GABBR2: variants seen among roughly 807,000 people sequenced by gnomAD.
The protein encoded by GABBR2 is G-protein coupled receptor 51.
GABBR2 carries 23 observed loss-of-function variants against 105.6 expected under a neutral mutation model. The ratio of observed to expected loss-of-function variants is 0.22; its 90% CI spans 0.16 to 0.31. The LOEUF is 0.31. Ranked by LOEUF, GABBR2 falls within the 10% of genes least tolerant of loss-of-function variation. The pLI, the probability that GABBR2 is intolerant of heterozygous loss-of-function variation, is 1.00. For synonymous variants in GABBR2, 478 were observed against 499.7 expected, an observed-to-expected ratio of 0.96 and a Z score of 0.58; for missense variants, 734 against 1,245.5, an observed-to-expected ratio of 0.59 and a Z score of 6.18.
chr9:98,599,302 C>A (rs10819072), intron 1 of GABBR2, among the ~76,000 whole-genome samples: 95,494 of 151,902 alleles, frequency 0.63, 30,384 homozygotes, highest in Non-Finnish European at 0.66. Flanking sequence ...GCTTCTAGCA[C>A]ATTTTGTTGG....
At chr9:98,333,461 G>T (rs7035274) in intron 13 of GABBR2, among the ~76,000 whole-genome samples, 145 of 152,196 alleles carry the variant, frequency 9.5e-4, no homozygotes, top group African/African-American at 3.1e-3. Flanking sequence ...GAAGAATCCT[G>T]CCATGTCTTC....
intron 1 of GABBR2, among the ~76,000 whole-genome samples, chr9:98,597,288 T>C (rs1379140326): frequency 6.6e-6 from 1 of 152,190 alleles, no homozygotes; most frequent in Non-Finnish European, 1.5e-5. Flanking sequence ...GCTGGGAACT[T>C]TGTGATCACA....
chr9:98,479,457 C>G (rs369351307), intron 5 of GABBR2, among the ~76,000 whole-genome samples: 2 of 152,352 alleles, frequency 1.3e-5, no homozygotes, highest in African/African-American at 4.8e-5. Context: ...CAAGCCCAAG[C>G]TGATTGGCTC....
chr9:98,389,217 A>C (rs905523251), intron 9 of GABBR2, among the ~76,000 whole-genome samples: 1 of 152,252 alleles, frequency 6.6e-6, no homozygotes, highest in Admixed American at 6.5e-5. Context: ...AATAGAATCA[A>C]TAAAGGATTT....
chr9:98,435,195 T>G (rs1305947232), intron 7 of GABBR2, among the ~76,000 whole-genome samples: 1 of 152,222 alleles, frequency 6.6e-6, no homozygotes, highest in Admixed American at 6.5e-5. Flanking sequence ...GCTGCACCAT[T>G]CCATTTTCTC....
In GABBR2 at chr9:98,362,845, G is replaced by A. The variant is rs201679845; in HGVS notation, c.1771-8C>T. 3.6e-5 allele frequency: 56 copies of A among 1,564,648 alleles called. No homozygotes were observed. Among genetic ancestry groups the A allele is most frequent in the Non-Finnish European group, 4.4e-5 (51 of 1,157,736 alleles). ...TTTCTGGTCCTTGATGATCTACAGA[G>A]CGGGAAGGAGCAGAGGGGAGCCGAT... On this transcript the variant is annotated splice_region_variant and splice_polypyrimidine_tract_variant and intron_variant, in intron 12 of 18. Transcript: ENST00000259455.
At chr9:98,681,731 CCT>C (rs1407720469) in intron 1 of GABBR2, among the ~76,000 whole-genome samples, 2 of 149,930 alleles carry the variant, frequency 1.3e-5, no homozygotes, top group African/African-American at 2.5e-5. Flanking sequence ...GTCACCAATT[CCT>C]CTTTTTGATC....
chr9:98,410,077 A>G (rs559717989), intron 7 of GABBR2, among the ~76,000 whole-genome samples: 1 of 151,520 alleles, frequency 6.6e-6, no homozygotes, highest in East Asian at 1.9e-4. Flanking sequence ...CAGCCAGGGG[A>G]GCCAGGCCAG....
chr9:98,492,046 C>T (rs893984825), intron 4 of GABBR2, among the ~76,000 whole-genome samples: 3 of 152,044 alleles, frequency 2.0e-5, no homozygotes, highest in African/African-American at 7.2e-5. Context: ...GGATTTAATG[C>T]TTCAGAGGAG....
intron 7 of GABBR2, among the ~76,000 whole-genome samples, chr9:98,451,040 C>CA (rs1826220999): frequency 6.6e-6 from 1 of 152,184 alleles, no homozygotes; most frequent in Non-Finnish European, 1.5e-5. Context: ...ACAGCCCTGC[C>CA]AAAATGCTAC....
At position 98,454,109 on chromosome 9, in the gene GABBR2, G is replaced by A; in HGVS notation, c.1108C>T (p.Gln370Ter). Residue 370 changes from glutamine (Q) to a stop codon, truncating the protein, a stop_gained, in exon 7 of 19, where the codon CAG (glutamine) becomes TAG (stop). Transcript: ENST00000259455. LOFTEE classifies it high-confidence loss of function. This position sits in a 1 kb window ranked among gnomAD's most constrained non-coding sequence, Gnocchi z 4.6. ...GCATGCAGTGTCTCCATGGCCCTCT[G>A]CAGTGTCTTGGCGATGACCCAGATG... ...DGIWVIAKTLQRAMETLHASS... is the reference protein window; with the variant it reads ...DGIWVIAKTL 1 of 1,614,066 alleles carries A rather than the reference G, an allele frequency of 6.2e-7. No homozygotes were observed. Among genetic ancestry groups the A allele is most frequent in the Non-Finnish European group, 8.5e-7 (1 of 1,179,928 alleles).
chr9:98,565,117 T>G (rs1475237680), intron 2 of GABBR2, among the ~76,000 whole-genome samples: 1 of 152,202 alleles, frequency 6.6e-6, no homozygotes, highest in African/African-American at 2.4e-5. Flanking sequence ...CACAGCTCTC[T>G]GCCCTACCTG....
intron 1 of GABBR2, among the ~76,000 whole-genome samples, chr9:98,685,507 G>A (rs987458214): frequency 2.0e-5 from 3 of 151,972 alleles, no homozygotes; most frequent in African/African-American, 7.3e-5. Context: ...AATGAATAAG[G>A]GCATGAATGA....
At chr9:98,517,373 G>C (rs1170568931) in intron 3 of GABBR2, among the ~76,000 whole-genome samples, 2 of 152,130 alleles carry the variant, frequency 1.3e-5, no homozygotes, top group Non-Finnish European at 2.9e-5. Context: ...AGCCCCAAGA[G>C]AGTCCCTCTC....
At chr9:98,459,462 G>A (rs1826385906) in intron 6 of GABBR2, among the ~76,000 whole-genome samples, 1 of 152,186 alleles carries the variant, frequency 6.6e-6, no homozygotes, top group Non-Finnish European at 1.5e-5. Context: ...TTGGATCAGA[G>A]TTTTCAGCAG....
At chr9:98,425,814 A>G (rs1825675782) in intron 7 of GABBR2, among the ~76,000 whole-genome samples, 1 of 152,196 alleles carries the variant, frequency 6.6e-6, no homozygotes, top group Non-Finnish European at 1.5e-5. Flanking sequence ...GCAGGAGAGC[A>G]GGAGAAGCAC....
At chr9:98,513,020 A>T (rs1304304136) in intron 3 of GABBR2, among the ~76,000 whole-genome samples, 1 of 152,146 alleles carries the variant, frequency 6.6e-6, no homozygotes, top group African/African-American at 2.4e-5. Flanking sequence ...ACAAGGCTAC[A>T]GTAACCAAAA....
chr9:98,334,212 T>C (rs1831075944), intron 13 of GABBR2, among the ~76,000 whole-genome samples: 1 of 152,236 alleles, frequency 6.6e-6, no homozygotes, highest in Non-Finnish European at 1.5e-5. Context: ...ATCAACCAGA[T>C]AATCACAGAT....
At chr9:98,631,066 G>A (rs1048827171) in intron 1 of GABBR2, among the ~76,000 whole-genome samples, 39 of 152,080 alleles carry the variant, frequency 2.6e-4, no homozygotes, top group African/African-American at 7.2e-4. Context: ...AAAACATAAC[G>A]AAATGCTATC....
Sources: gnomAD v4.1 joint callset for allele counts (sites outside exome capture counted in the v4.1 genomes callset) on GRCh38, gnomAD v4.1.1 for gene constraint, Gnocchi (gnomAD v3.1) non-coding constraint, MANE v1.5 for transcripts, NCBI Gene and HGNC (gene_info 2026-07-23, HGNC 2026-07-21) for gene names.